Variants in B4GALT5 observed in about 807,000 individuals in gnomAD.
B4GALT5 encodes beta-1,4-galactosyltransferase 5, also known as UDP-Gal:beta-GlcNAc beta-1,4-galactosyltransferase 5.
B4GALT5 carries 11 observed loss-of-function variants against 45.0 expected under a neutral mutation model. The ratio of observed to expected loss-of-function variants is 0.24; its 90% CI spans 0.15 to 0.40. B4GALT5 has a LOEUF of 0.40. Ranked by LOEUF, B4GALT5 falls within the 10% of genes least tolerant of loss-of-function variation. The pLI, the probability that B4GALT5 is intolerant of heterozygous loss-of-function variation, is 1.00. For synonymous variants in B4GALT5, 185 were observed against 182.9 expected (o/e 1.01, Z -0.09); for missense variants, 337 against 500.2 (o/e 0.67, Z 3.11).
chr20:49,679,890 G>A (rs1305065579), intron 1 of B4GALT5, among the ~76,000 whole-genome samples: 1 of 152,150 alleles, frequency 6.6e-6, no homozygotes, highest in Admixed American at 6.6e-5. Flanking sequence ...CTGCCTTGAA[G>A]CAACAGGGAA....
chr20:49,656,785 T>A, intron 1 of B4GALT5, 83 bp from the exon 2 acceptor site: 1 of 1,568,546 alleles, frequency 6.4e-7, no homozygotes, highest in South Asian at 1.2e-5. Context: ...TGGATTTTTT[T>A]TTCTTTTTGG....
intron 2 of B4GALT5, among the ~76,000 whole-genome samples, chr20:49,648,784 T>C (rs1177529618): frequency 6.6e-6 from 1 of 152,220 alleles, no homozygotes; most frequent in Non-Finnish European, 1.5e-5. Context: ...TCCAACCTCA[T>C]TTTCTACAGA....
rs1304571170 is a variant in B4GALT5, at chr20:49,634,408, T to C, written c.*1904A>G. The C allele has an allele frequency of 6.6e-6, 1 of 152,302 alleles. No homozygotes were observed. Among genetic ancestry groups the C allele is most frequent in the Admixed American group, 6.6e-5 (1 of 15,266 alleles). The allele number at this position is 152,302 out of a possible 1,614,324, so 9.4% of individuals were successfully genotyped here. A position where few individuals can be genotyped will look rare whatever the true frequency, so the allele number is the denominator to read the frequency against. On this transcript the variant is annotated 3_prime_UTR_variant, in exon 9 of 9. Coordinates refer to ENST00000371711, the MANE Select transcript of B4GALT5 (RefSeq NM_004776.4). ...AAAATACGAAGTACTCTTCAGAAAG[T>C]ACTCCTCATCACAATATATAAATAT...
intron 1 of B4GALT5, among the ~76,000 whole-genome samples, chr20:49,694,658 AGGAAAG>A (rs141210680): frequency 0.015 from 2,085 of 143,008 alleles, 26 homozygotes; most frequent in African/African-American, 0.03. Context: ...GAAAGGGAAA[AGGAAAG>A]GGAAAGGGAA....
intron 1 of B4GALT5, among the ~76,000 whole-genome samples, chr20:49,663,069 A>C (rs1266633308): frequency 6.6e-6 from 1 of 152,248 alleles, no homozygotes; most frequent in Non-Finnish European, 1.5e-5. Flanking sequence ...ACGTGAATGA[A>C]TCTCTCACAC....
In B4GALT5 at chr20:49,687,543, C is replaced by T. The variant is rs1382773968; in HGVS notation, c.115+26033G>A. Among the ~76,000 whole-genome samples the T allele has an allele frequency of 2.6e-5, 4 of 152,036 alleles. No individual in the cohort carries two copies. In the East Asian group the frequency reaches 7.7e-4, roughly 29 times the overall value. Reference sequence around the variant, plus strand: ...CGTGTAATCCCAGCTACTCGGGAGGCTGAGGCAGGAGAATTGCTTGAACTC... The same window carrying T: ...CGTGTAATCCCAGCTACTCGGGAGGTTGAGGCAGGAGAATTGCTTGAACTC... On this transcript the variant is annotated intron_variant, in intron 1 of 8. Coordinates refer to ENST00000371711, the MANE Select transcript of B4GALT5 (RefSeq NM_004776.4).
chr20:49,680,712 T>C (rs899409322), intron 1 of B4GALT5, among the ~76,000 whole-genome samples: 13 of 152,160 alleles, frequency 8.5e-5, no homozygotes, highest in East Asian at 1.9e-4. Flanking sequence ...TGGAAACGAA[T>C]AGTAGTAATG....
At chr20:49,711,673 A>G (rs1025779572) in intron 1 of B4GALT5, among the ~76,000 whole-genome samples, 4 of 152,148 alleles carry the variant, frequency 2.6e-5, no homozygotes, top group Non-Finnish European at 5.9e-5. Context: ...CCCTTTTACA[A>G]TCTACTCATC....
At chr20:49,703,731 A>AAAAAAAAAATAAT (rs2146361308) in intron 1 of B4GALT5, among the ~76,000 whole-genome samples, 1 of 26,674 alleles carries the variant, frequency 3.7e-5, no homozygotes. Context: ...TCTACTAAAA[A>AAAAAAAAAATAAT]AAAAAAAAAT....
At chr20:49,668,492 T>C (rs953880256) in intron 1 of B4GALT5, among the ~76,000 whole-genome samples, 3 of 150,820 alleles carry the variant, frequency 2.0e-5, no homozygotes, top group Non-Finnish European at 4.4e-5. Flanking sequence ...CACAGCCACA[T>C]AACCTCAGTA....
chr20:49,644,309 C>T (rs1024464765), intron 3 of B4GALT5, among the ~76,000 whole-genome samples: 2 of 151,964 alleles, frequency 1.3e-5, no homozygotes, highest in Admixed American at 1.3e-4. Context: ...TGGTCTTGAA[C>T]TCCTGAGCTC....
At position 49,643,458 on chromosome 20, in the gene B4GALT5, G is replaced by T. The variant is rs2085585277; in HGVS notation, c.489+68C>A. 1.9e-6 allele frequency: 3 copies of T among 1,583,972 alleles called. No individual in the cohort carries two copies. In the South Asian group the frequency reaches 3.4e-5, roughly 18 times the overall value. ...AAATGTCATGGTTAGCTAATCCCAT[G>T]GTGATTCGGACCAAAGGCAAACCCC... On this transcript the variant is annotated intron_variant, in intron 4 of 8. Coordinates refer to ENST00000371711, the MANE Select transcript of B4GALT5 (RefSeq NM_004776.4).
rs2085541904 is a variant in B4GALT5, at chr20:49,634,621, T to C, written c.*1691A>G. The C allele has an allele frequency of 6.6e-6, 1 of 152,118 alleles. No homozygotes were observed. The highest frequency in any genetic ancestry group is 2.1e-4 in the South Asian group (1 of 4,830). The allele number at this position is 152,118 out of a possible 1,614,324, so 9.4% of individuals were successfully genotyped here. On this transcript the variant is annotated 3_prime_UTR_variant, in exon 9 of 9. Transcript: ENST00000371711. ...ACACCCGCCCATAATCCCAGCACTT[T>C]GGGAAGTCAAGGTGGGCGGATTGCT...
chr20:49,681,748 AC>A (rs1269796963), intron 1 of B4GALT5, among the ~76,000 whole-genome samples: 4 of 152,202 alleles, frequency 2.6e-5, no homozygotes, highest in African/African-American at 9.7e-5. Context: ...CAATTAGGCA[AC>A]CAGTGGCATT....
chr20:49,647,500 C>A (rs962424212), intron 2 of B4GALT5, among the ~76,000 whole-genome samples: 17 of 152,156 alleles, frequency 1.1e-4, no homozygotes, highest in African/African-American at 3.9e-4. Context: ...GTCTTACCTA[C>A]CGACCTCCCA....
intron 1 of B4GALT5, among the ~76,000 whole-genome samples, chr20:49,661,300 T>C (rs932629596): frequency 1.3e-5 from 2 of 152,156 alleles, no homozygotes; most frequent in Non-Finnish European, 2.9e-5. Flanking sequence ...TAGTGGCGCG[T>C]CTCGGCTCAC....
chr20:49,643,770 T>A, intron 3 of B4GALT5, 120 bp from the exon 4 acceptor site: 3 of 1,062,234 alleles, frequency 2.8e-6, no homozygotes, highest in Non-Finnish European at 4.0e-6. Flanking sequence ...TTAGCAAGGA[T>A]GGAAGTCCCT....
intron 1 of B4GALT5, among the ~76,000 whole-genome samples, chr20:49,709,284 G>C (rs1157047760): frequency 6.6e-6 from 1 of 152,064 alleles, no homozygotes; most frequent in Non-Finnish European, 1.5e-5. Context: ...TAAAACAAGT[G>C]ATTAAATAAA....
chr20:49,652,928 G>A (rs1423528112), intron 2 of B4GALT5, among the ~76,000 whole-genome samples: 1 of 152,188 alleles, frequency 6.6e-6, no homozygotes, highest in East Asian at 1.9e-4. Context: ...CGGGCCAGAG[G>A]TGTCAGTCAT....
Sources: gnomAD v4.1 joint callset for allele counts (sites outside exome capture counted in the v4.1 genomes callset) on GRCh38, gnomAD v4.1.1 for gene constraint, MANE v1.5 for transcripts, NCBI Gene and HGNC (gene_info 2026-07-23, HGNC 2026-07-21) for gene names.